The following FAM163A variants were observed in gnomAD, a reference collection of about 807,000 sequenced individuals.
FAM163A encodes protein FAM163A.
In FAM163A, 7 loss-of-function variants were observed where a neutral mutation model predicts 12.0. The observed-to-expected ratio is 0.58, with a 90% CI of 0.33 to 1.10. FAM163A has a LOEUF of 1.10. FAM163A is among the 50% of genes least tolerant of loss of function. The probability of loss-of-function intolerance (pLI) is 0.03; values close to 1 mark genes in which losing one functional copy is unlikely to be tolerated. For missense variants in FAM163A, 202 were observed against 218.6 expected, an observed-to-expected ratio of 0.92 and a Z score of 0.48; for synonymous variants, 101 against 91.0, an observed-to-expected ratio of 1.11 and a Z score of -0.62.
chr1:179,784,542 T>C (rs77932713), intron 1 of FAM163A, among the ~76,000 whole-genome samples: 4,276 of 152,270 alleles, frequency 0.028, 84 homozygotes, highest in Non-Finnish European at 0.042. Context: ...TAACCTTCAA[T>C]AGTCCCTTCC....
At chr1:179,768,043 T>TTC (rs10635862) in intron 1 of FAM163A, among the ~76,000 whole-genome samples, 17,291 of 152,122 alleles carry the variant, frequency 0.11, 1,079 homozygotes, top group Non-Finnish European at 0.13. Flanking sequence ...ATTTTCTACT[T>TTC]TGTTTGTATG....
intron 1 of FAM163A, among the ~76,000 whole-genome samples, chr1:179,764,176 G>A (rs1687184548): frequency 6.6e-6 from 1 of 152,192 alleles, no homozygotes; most frequent in Non-Finnish European, 1.5e-5. Context: ...GAACACCTGT[G>A]TGGGTGTGGG....
intron 1 of FAM163A, among the ~76,000 whole-genome samples, chr1:179,800,591 A>T (rs368703724): frequency 6.6e-5 from 10 of 152,216 alleles, no homozygotes; most frequent in African/African-American, 2.4e-4. Context: ...GGGTCCTGAA[A>T]CCAGAGGACA....
the FAM163A span, among the ~76,000 whole-genome samples, chr1:179,733,290 C>T: frequency 6.6e-6 from 1 of 152,212 alleles, no homozygotes; most frequent in African/African-American, 2.4e-5. Context: ...TTATAAGGTT[C>T]AAGCTGTTAA....
intron 1 of FAM163A, among the ~76,000 whole-genome samples, chr1:179,793,037 A>C (rs939319122): frequency 2.0e-5 from 3 of 152,032 alleles, no homozygotes; most frequent in Non-Finnish European, 4.4e-5. Flanking sequence ...GCATGGAATC[A>C]TGTAGTTTTG....
In FAM163A at chr1:179,814,423, G is replaced by C. The variant is rs896196653; in HGVS notation, c.*234G>C. On this transcript the variant is annotated 3_prime_UTR_variant, in exon 5 of 5. Coordinates refer to ENST00000341785, the MANE Select transcript of FAM163A (RefSeq NM_173509.3). Reference sequence around the variant, plus strand: ...GGGGGACTGCTAGGTCGAGTCTGCAGCTTCGCCAGTTTCTTGGTTGGGACA... The same window carrying C: ...GGGGGACTGCTAGGTCGAGTCTGCACCTTCGCCAGTTTCTTGGTTGGGACA... The C allele has an allele frequency of 5.5e-6, 3 of 546,062 alleles. No homozygotes were observed. The highest frequency in any genetic ancestry group is 9.4e-6 in the Non-Finnish European group (3 of 319,406). The allele number at this position is 546,062 out of a possible 1,614,324, so 33.8% of individuals were successfully genotyped here. A position where few individuals can be genotyped will look rare whatever the true frequency, so the allele number is the denominator to read the frequency against.
intron 1 of FAM163A, among the ~76,000 whole-genome samples, chr1:179,747,749 T>A (rs1056437571): frequency 6.6e-6 from 1 of 152,146 alleles, no homozygotes; most frequent in East Asian, 1.9e-4. Context: ...GTTATAACAG[T>A]ATGTGGCTGA....
chr1:179,767,460 A>G (rs1391307650), intron 1 of FAM163A, among the ~76,000 whole-genome samples: 2 of 152,108 alleles, frequency 1.3e-5, no homozygotes, highest in Non-Finnish European at 2.9e-5. Context: ...CTGCCAGTAT[A>G]CTACACATTT....
At chr1:179,785,279 C>T (rs1284184637) in intron 1 of FAM163A, among the ~76,000 whole-genome samples, 1 of 152,136 alleles carries the variant, frequency 6.6e-6, no homozygotes, top group Non-Finnish European at 1.5e-5. Flanking sequence ...AAATTGTGGT[C>T]GACTAGAAAG....
intron 1 of FAM163A, 127 bp downstream of exon 1, chr1:179,743,550 G>C (rs990597904): frequency 6.6e-6 from 1 of 152,412 alleles, no homozygotes; most frequent in East Asian, 1.9e-4. Flanking sequence ...TACTTTCGAG[G>C]GCGCCTCAAC....
chr1:179,757,595 T>G (rs1016800171), intron 1 of FAM163A, among the ~76,000 whole-genome samples: 2 of 152,158 alleles, frequency 1.3e-5, no homozygotes, highest in African/African-American at 4.8e-5. Flanking sequence ...GTGGATCTCT[T>G]GAGCCCAGGA....
chr1:179,796,528 C>T (rs1050035461), intron 1 of FAM163A, among the ~76,000 whole-genome samples: 88 of 152,196 alleles, frequency 5.8e-4, no homozygotes, highest in African/African-American at 2.1e-3. Flanking sequence ...CTATCTTGCA[C>T]AGATGGCAGC....
At chr1:179,771,805 G>C (rs1401251355) in intron 1 of FAM163A, among the ~76,000 whole-genome samples, 6 of 151,936 alleles carry the variant, frequency 3.9e-5, no homozygotes, top group African/African-American at 7.3e-5. Context: ...TCAGTCATCT[G>C]CTTGGCCTCT....
At chr1:179,770,431 A>C (rs1482904685) in intron 1 of FAM163A, among the ~76,000 whole-genome samples, 1 of 152,044 alleles carries the variant, frequency 6.6e-6, no homozygotes, top group African/African-American at 2.4e-5. Context: ...CGTGTCACTC[A>C]TCCCCGTGTA....
intron 1 of FAM163A, among the ~76,000 whole-genome samples, chr1:179,799,871 A>G (rs772308893): frequency 1.3e-5 from 2 of 152,210 alleles, no homozygotes; most frequent in Non-Finnish European, 2.9e-5. Context: ...CAATTGTGTC[A>G]TATGGACTAT....
chr1:179,793,310 GT>G (rs5779036), intron 1 of FAM163A, among the ~76,000 whole-genome samples: 23,096 of 152,098 alleles, frequency 0.15, 2,649 homozygotes, highest in African/African-American at 0.32. Context: ...ACCACAACCA[GT>G]TCTTTAGCCA....
rs191100091 is a variant in FAM163A at position 179,762,066 on chromosome 1, G to A, written c.-136+18643G>A. 3.9e-5 allele frequency among the ~76,000 whole-genome samples: 6 copies of A among 152,262 alleles called. No homozygotes were observed. In the South Asian group the frequency reaches 1.0e-3, roughly 26 times the overall value. On this transcript the variant is annotated intron_variant, in intron 1 of 4. Coordinates refer to ENST00000341785, the MANE Select transcript of FAM163A (RefSeq NM_173509.3). ...TAACGGCCAGGAATTTTAAAGCTTG[G>A]AAAATGTCCCATTGATTTTGGCAGG...
intron 1 of FAM163A, among the ~76,000 whole-genome samples, chr1:179,762,173 C>CTATAAT (rs1281243560): frequency 7.2e-5 from 11 of 152,152 alleles, no homozygotes; most frequent in African/African-American, 2.7e-4. Flanking sequence ...GTCATATAAT[C>CTATAAT]GTATCAAGGC....
intron 3 of FAM163A, among the ~76,000 whole-genome samples, chr1:179,812,702 G>T (rs951455752): frequency 7.2e-5 from 11 of 152,192 alleles, no homozygotes; most frequent in Non-Finnish European, 1.6e-4. Context: ...AGTAAGATGC[G>T]TGGGGGTGCT....
Sources: allele counts gnomAD v4.1 joint callset (sites outside exome capture counted in the v4.1 genomes callset), GRCh38; gene constraint gnomAD v4.1.1; transcripts MANE v1.5; gene names NCBI Gene and HGNC (gene_info 2026-07-23, HGNC 2026-07-21).